CDH23: variants seen among roughly 807,000 people sequenced by gnomAD.
CDH23 encodes the protein cadherin related 23.
CDH23 carries 189 observed loss-of-function variants against 317.1 expected under a neutral mutation model. The observed-to-expected ratio is 0.60, with a 90% confidence interval of 0.53 to 0.67. CDH23 has a LOEUF of 0.67. CDH23 is among the 30% of genes least tolerant of loss of function. The pLI is 0.00. For missense variants in CDH23, 4,401 were observed against 4,592.4 expected (o/e 0.96, Z 1.20); for synonymous variants, 1,839 against 1,876.8 (o/e 0.98, Z 0.52).
chr10:71,690,644 C>G, intron 20 of CDH23, 60 bp downstream of exon 20: 3 of 1,263,352 alleles, frequency 2.4e-6, no homozygotes, highest in South Asian at 2.6e-5. Context: ...CTGTCCATAC[C>G]CGGCCCCAGG....
chr10:71,598,407 C>T (rs1188015647), intron 9 of CDH23, among the ~76,000 whole-genome samples: 1 of 152,214 alleles, frequency 6.6e-6, no homozygotes, highest in East Asian at 1.9e-4. Context: ...CAAGTGACGC[C>T]ATCTGTCTGT....
In CDH23 at chr10:71,397,473, C is replaced by T. The variant is rs1847575315; in HGVS notation, c.-6+155C>T. 6.6e-6 allele frequency among the ~76,000 whole-genome samples: 1 copy of T among 151,686 alleles called. No individual in the cohort carries two copies. The highest frequency in any genetic ancestry group is 2.4e-5 in the African/African-American group (1 of 41,346). The stretch of plus-strand genomic sequence containing the variant: ...CGCCCGTGGCGGGCGCTCGCGGCAT[C>T]CTTCGGTCCCAGGCCCCTGGCCCTA... On this transcript the variant is annotated intron_variant, in intron 1 of 69. Coordinates refer to ENST00000224721, the MANE Select transcript of CDH23 (RefSeq NM_022124.6). The surrounding 1 kb of genome is among the most constrained non-coding windows in gnomAD (Gnocchi z 4.8).
chr10:71,790,261 G>C, intron 45 of CDH23, 27 bp from the exon 46 acceptor site: 1 of 1,612,746 alleles, frequency 6.2e-7, no homozygotes, highest in East Asian at 2.2e-5. Flanking sequence ...GGTTGGTCTT[G>C]TGGTGACCCC....
chr10:71,577,903 C>T lies in CDH23; in HGVS notation c.754-11C>T. 1 of 1,587,494 alleles carries T rather than the reference C, an allele frequency of 6.3e-7. No homozygotes were observed. Among genetic ancestry groups the T allele is most frequent in the East Asian group, 2.3e-5 (1 of 43,604 alleles). ...GGACCCAAACTCAAGTCCCTCCTCTCTTCTGCCCAGGGCACGACGGTGCGC... is the reference window on the plus strand; with the variant it reads ...GGACCCAAACTCAAGTCCCTCCTCTTTTCTGCCCAGGGCACGACGGTGCGC... On this transcript the variant is annotated splice_polypyrimidine_tract_variant and intron_variant, in intron 8 of 69. Transcript: ENST00000224721.
At chr10:71,448,266 C>T (rs919032720) in intron 3 of CDH23, among the ~76,000 whole-genome samples, 2 of 152,254 alleles carry the variant, frequency 1.3e-5, no homozygotes, top group African/African-American at 4.8e-5. Context: ...ATGTGGCCAG[C>T]CCTTCAGCAG....
chr10:71,795,719 C>A (rs1841381943), intron 48 of CDH23: 1 of 612,886 alleles, frequency 1.6e-6, no homozygotes, highest in Non-Finnish European at 2.0e-6. Context: ...TCCCTCCTCC[C>A]ACCCCGTCAG....
chr10:71,574,955 A>C (rs1169352145), intron 8 of CDH23, among the ~76,000 whole-genome samples: 148 of 113,728 alleles, frequency 1.3e-3, no homozygotes, highest in Middle Eastern at 3.9e-3. Context: ...CCTCCACCCC[A>C]CCCCCCACTG....
chr10:71,435,971 C>A (rs1849598064), intron 1 of CDH23, among the ~76,000 whole-genome samples: 1 of 152,244 alleles, frequency 6.6e-6, no homozygotes, highest in Non-Finnish European at 1.5e-5. Context: ...CCTTGCTTTC[C>A]TCCCGTAGAC....
At chr10:71,681,838 C>T (rs1321985960) in intron 17 of CDH23, among the ~76,000 whole-genome samples, 1 of 152,144 alleles carries the variant, frequency 6.6e-6, no homozygotes, top group Non-Finnish European at 1.5e-5. Flanking sequence ...AGAAATAGGG[C>T]TAGAGACCGA....
chr10:71,677,162 C>T (rs1313361852), intron 15 of CDH23, among the ~76,000 whole-genome samples: 1 of 152,154 alleles, frequency 6.6e-6, no homozygotes, highest in African/African-American at 2.4e-5. Context: ...TAAATATCTG[C>T]AGTAGGTAGG....
chr10:71,717,709 G>T (rs1296891122), intron 28 of CDH23: 1 of 152,264 alleles, frequency 6.6e-6, no homozygotes, highest in Admixed American at 6.5e-5. Context: ...GAATGGTGCT[G>T]TCAGTGCCGG....
chr10:71,489,439 G>T (rs1852524777), intron 3 of CDH23, among the ~76,000 whole-genome samples: 1 of 151,996 alleles, frequency 6.6e-6, no homozygotes, highest in Non-Finnish European at 1.5e-5. Flanking sequence ...AATTTTCCTT[G>T]GTCTTTACTG....
At chr10:71,534,535 C>T (rs563779810) in intron 6 of CDH23, among the ~76,000 whole-genome samples, 1 of 152,172 alleles carries the variant, frequency 6.6e-6, no homozygotes, top group African/African-American at 2.4e-5. Context: ...CTTGAAATAC[C>T]TTTCATTCCT....
chr10:71,565,176 G>A (rs770169959), intron 6 of CDH23, among the ~76,000 whole-genome samples: 1 of 152,116 alleles, frequency 6.6e-6, no homozygotes, highest in Non-Finnish European at 1.5e-5. Context: ...TGGGTTAGCT[G>A]AGAACCTCAG....
intron 27 of CDH23, among the ~76,000 whole-genome samples, chr10:71,710,646 G>A (rs1865938184): frequency 6.6e-6 from 1 of 152,226 alleles, no homozygotes; most frequent in South Asian, 2.1e-4. Flanking sequence ...GGAGCACAGG[G>A]CAGTGCTGAT....
intron 3 of CDH23, among the ~76,000 whole-genome samples, chr10:71,465,649 G>A (rs916104332): frequency 6.6e-6 from 1 of 152,192 alleles, no homozygotes; most frequent in Non-Finnish European, 1.5e-5. Flanking sequence ...TTTACCTGAC[G>A]CTGTTCAGTC....
chr10:71,608,656 C>A (rs1416724225), intron 9 of CDH23, among the ~76,000 whole-genome samples: 1 of 152,156 alleles, frequency 6.6e-6, no homozygotes, highest in Non-Finnish European at 1.5e-5. Flanking sequence ...CAGCATGAGA[C>A]CCCAGCCCTT....
chr10:71,784,273 C>T lies in CDH23; in HGVS notation c.5369-14C>T. On this transcript the variant is annotated splice_polypyrimidine_tract_variant and intron_variant, in intron 41 of 69. Coordinates refer to ENST00000224721, the MANE Select transcript of CDH23 (RefSeq NM_022124.6). ...AATGCCCGACTAACTTGGGCCTCTCCTGGTGACACCCAGGGGAGTTTGTGA... is the reference window on the plus strand; with the variant it reads ...AATGCCCGACTAACTTGGGCCTCTCTTGGTGACACCCAGGGGAGTTTGTGA... 3.1e-6 allele frequency: 5 copies of T among 1,611,128 alleles called. No individual in the cohort carries two copies. The highest frequency in any genetic ancestry group is 1.1e-5 in the South Asian group (1 of 90,842).
rs373457608 is a variant in CDH23, at chr10:71,804,160, CAG to C, written c.7872+742_7872+743del. ...GCTCCTAGATGTCTACCAAAAAGGA[CAG>C]ACTCCTCTACAACCCACTTCCCCCA... On this transcript the variant is annotated intron_variant, in intron 55 of 69. Transcript: ENST00000224721. Among the ~76,000 whole-genome samples, 731 of 152,230 alleles carry C rather than the reference CAG, an allele frequency of 4.8e-3. 4 individuals carry two copies. Among genetic ancestry groups the C allele is most frequent in the Non-Finnish European group, 8.0e-3 (544 of 68,020 alleles).
Sources: allele counts gnomAD v4.1 joint callset (sites outside exome capture counted in the v4.1 genomes callset), GRCh38; gene constraint gnomAD v4.1.1; non-coding constraint Gnocchi (gnomAD v3.1); transcripts MANE v1.5; gene names NCBI Gene and HGNC (gene_info 2026-07-23, HGNC 2026-07-21).